The following SGCZ variants were observed in gnomAD, a reference collection of about 807,000 sequenced individuals.
SGCZ encodes sarcoglycan zeta.
In SGCZ, 40 loss-of-function variants were observed where a neutral mutation model predicts 41.3. The ratio of observed to expected loss-of-function variants is 0.97; its 90% CI spans 0.75 to 1.26. The LOEUF is 1.26. Ranked by LOEUF, SGCZ falls within the 50% of genes most tolerant of loss-of-function variation. The pLI is 0.00. For missense variants in SGCZ, 552 were observed against 369.8 expected (o/e 1.49, Z -4.04); for synonymous variants, 206 against 137.5 (o/e 1.50, Z -3.49).
At chr8:15,204,754 T>C (rs896639164) in intron 1 of SGCZ, among the ~76,000 whole-genome samples, 7 of 152,230 alleles carry the variant, frequency 4.6e-5, no homozygotes, top group Non-Finnish European at 1.0e-4. Context: ...CTACTTTTTA[T>C]GTTAACTATA....
chr8:14,135,626 G>A (rs1472464089), intron 5 of SGCZ, among the ~76,000 whole-genome samples: 1 of 152,110 alleles, frequency 6.6e-6, no homozygotes, highest in South Asian at 2.1e-4. Context: ...AATCTGAATA[G>A]TCCTGTAACT....
At chr8:15,130,445 G>T (rs1327007528) in intron 1 of SGCZ, among the ~76,000 whole-genome samples, 2 of 152,138 alleles carry the variant, frequency 1.3e-5, no homozygotes, top group African/African-American at 2.4e-5. Context: ...ATTACCAAAA[G>T]AATTTTGTAG....
At chr8:14,377,470 A>G (rs886167474) in intron 2 of SGCZ, among the ~76,000 whole-genome samples, 2 of 152,080 alleles carry the variant, frequency 1.3e-5, no homozygotes, top group African/African-American at 2.4e-5. Flanking sequence ...GGAACCCAAG[A>G]AGGGTATCCT....
intron 1 of SGCZ, among the ~76,000 whole-genome samples, chr8:14,680,945 T>C (rs1450948906): frequency 4.0e-5 from 2 of 50,310 alleles, no homozygotes; most frequent in Non-Finnish European, 7.3e-5. Flanking sequence ...AAATGAAACA[T>C]ACAGAGGAAA....
At chr8:14,577,983 C>T (rs529446235) in intron 1 of SGCZ, among the ~76,000 whole-genome samples, 4 of 152,220 alleles carry the variant, frequency 2.6e-5, no homozygotes, top group African/African-American at 9.6e-5. Context: ...TTGATATGCA[C>T]TGCAATTAAG....
intron 2 of SGCZ, among the ~76,000 whole-genome samples, chr8:14,543,501 C>G (rs1291253773): frequency 6.6e-6 from 1 of 152,060 alleles, no homozygotes; most frequent in African/African-American, 2.4e-5. Context: ...ATACCCAGTT[C>G]ACCCACAAGT....
At chr8:14,315,968 A>G (rs1022204017) in intron 3 of SGCZ, among the ~76,000 whole-genome samples, 18 of 148,322 alleles carry the variant, frequency 1.2e-4, no homozygotes, top group African/African-American at 4.2e-4. Context: ...ATTTTGTACG[A>G]ATACAAAATG....
intron 1 of SGCZ, among the ~76,000 whole-genome samples, chr8:14,922,186 G>C (rs1039299188): frequency 1.9e-4 from 29 of 151,832 alleles, no homozygotes; most frequent in Non-Finnish European, 2.9e-5. Context: ...GTAGCAGCTG[G>C]AGAAATACCA....
intron 3 of SGCZ, among the ~76,000 whole-genome samples, chr8:14,265,602 G>A (rs992181975): frequency 3.4e-4 from 52 of 151,840 alleles, no homozygotes; most frequent in African/African-American, 1.0e-3. Context: ...GATTTGCTTT[G>A]ATCTCAAAGA....
chr8:14,575,450 T>C (rs1295066760), intron 1 of SGCZ, among the ~76,000 whole-genome samples: 1 of 152,222 alleles, frequency 6.6e-6, no homozygotes, highest in Admixed American at 6.5e-5. Context: ...TATACCTTAT[T>C]TTCCATAATT....
chr8:14,596,630 T>G (rs1053614542), intron 1 of SGCZ, among the ~76,000 whole-genome samples: 3 of 152,056 alleles, frequency 2.0e-5, no homozygotes, highest in African/African-American at 4.8e-5. Flanking sequence ...GAATGATTAG[T>G]TTAGAATATC....
At chr8:14,980,352 G>C (rs1262298746) in intron 1 of SGCZ, among the ~76,000 whole-genome samples, 2 of 152,196 alleles carry the variant, frequency 1.3e-5, no homozygotes, top group African/African-American at 2.4e-5. Flanking sequence ...GGATACCCAA[G>C]TATTGACTTG....
chr8:14,209,765 G>C (rs918555813), intron 4 of SGCZ, among the ~76,000 whole-genome samples: 1 of 152,038 alleles, frequency 6.6e-6, no homozygotes, highest in Non-Finnish European at 1.5e-5. Flanking sequence ...GTAAGTAAAC[G>C]AGAGCTGGGA....
intron 1 of SGCZ, among the ~76,000 whole-genome samples, chr8:14,862,833 A>G (rs757117315): frequency 4.6e-5 from 7 of 151,880 alleles, no homozygotes; most frequent in Non-Finnish European, 8.8e-5. Context: ...ACTAGTCACT[A>G]TAGCTGGGGA....
intron 2 of SGCZ, among the ~76,000 whole-genome samples, chr8:14,427,493 G>A (rs934848407): frequency 1.3e-5 from 2 of 151,740 alleles, no homozygotes; most frequent in Non-Finnish European, 2.9e-5. Flanking sequence ...TTTTAGGGGG[G>A]TTCCCACTCC....
At chr8:14,663,183 A>G (rs1004254199) in intron 1 of SGCZ, among the ~76,000 whole-genome samples, 3 of 152,218 alleles carry the variant, frequency 2.0e-5, no homozygotes, top group Non-Finnish European at 4.4e-5. Flanking sequence ...AATTTCCTTC[A>G]TAAGAATTCT....
At chr8:14,142,551 C>G (rs926138228) in intron 5 of SGCZ, among the ~76,000 whole-genome samples, 8 of 152,130 alleles carry the variant, frequency 5.3e-5, no homozygotes, top group Admixed American at 5.2e-4. Flanking sequence ...CAGTTTGAAG[C>G]AACTGGCTTA....
chr8:14,502,904 A>G (rs1163003741), intron 2 of SGCZ, among the ~76,000 whole-genome samples: 1 of 152,212 alleles, frequency 6.6e-6, no homozygotes, highest in East Asian at 1.9e-4. Context: ...TCAAGGATCT[A>G]GAACCAGAAA....
intron 2 of SGCZ, among the ~76,000 whole-genome samples, chr8:14,483,168 G>T (rs367583817): frequency 1.3e-5 from 2 of 152,142 alleles, no homozygotes; most frequent in Non-Finnish European, 2.9e-5. Context: ...GCCTGACTTT[G>T]TATCTCTGAG....
Sources: allele counts gnomAD v4.1 joint callset (sites outside exome capture counted in the v4.1 genomes callset), GRCh38; gene constraint gnomAD v4.1.1; transcripts MANE v1.5; gene names NCBI Gene and HGNC (gene_info 2026-07-23, HGNC 2026-07-21).